SYPL1: variants seen among roughly 807,000 people sequenced by gnomAD.
SYPL1 encodes the protein synaptophysin-like protein 1.
In SYPL1, 6 loss-of-function variants were observed where a neutral mutation model predicts 23.7. The observed-to-expected ratio is 0.25, with a 90% CI of 0.14 to 0.50. The LOEUF is 0.50. Ranked by LOEUF, SYPL1 falls within the 20% of genes least tolerant of loss-of-function variation. The pLI, the probability that SYPL1 is intolerant of heterozygous loss-of-function variation, is 0.98. For missense variants in SYPL1, 253 were observed against 288.9 expected (o/e 0.88, Z 0.90); for synonymous variants, 102 against 104.5 (o/e 0.98, Z 0.15).
At chr7:106,094,478 C>A (rs1419917848) in intron 3 of SYPL1, among the ~76,000 whole-genome samples, 1 of 152,188 alleles carries the variant, frequency 6.6e-6, no homozygotes, top group Non-Finnish European at 1.5e-5. Context: ...TGTATCTGAG[C>A]TCTCTGCTGC....
Position 106,091,778 on chromosome 7 carries a change from C to G in SYPL1, c.*27G>C. ...CAACATGTCATAGTATCAACATATA[C>G]TTCATACAGTGTATTTCTCCCTTTA... On this transcript the variant is annotated 3_prime_UTR_variant, in exon 5 of 5. Coordinates refer to ENST00000455385, the MANE Select transcript of SYPL1 (RefSeq NM_182715.4). The surrounding 1 kb of genome is among the most constrained non-coding windows in gnomAD (Gnocchi z 5.0). 2 of 1,598,886 alleles carry G rather than the reference C, an allele frequency of 1.3e-6. No individual in the cohort carries two copies. Among genetic ancestry groups the G allele is most frequent in the Non-Finnish European group, 1.7e-6 (2 of 1,175,180 alleles).
rs1405609106 is a variant in SYPL1, at chr7:106,091,604, C to CAAATTTACATGTGAGAATA, written c.*182_*200dup. 8.0e-6 allele frequency: 4 copies of CAAATTTACATGTGAGAATA among 501,224 alleles called. No individual in the cohort carries two copies. Among genetic ancestry groups the CAAATTTACATGTGAGAATA allele is most frequent in the African/African-American group, 2.0e-5 (1 of 51,172 alleles). The allele number at this position is 501,224 out of a possible 1,614,324, so 31.0% of individuals were successfully genotyped here. Reference sequence around the variant, plus strand: ...ATTTCATAATAGACCCCTGAACTTTCAAATTTACATGTGAGAATACATTTA... The same window carrying CAAATTTACATGTGAGAATA: ...ATTTCATAATAGACCCCTGAACTTTCAAATTTACATGTGAGAATAAAATTTACATGTGAGAATACATTTA... On this transcript the variant is annotated 3_prime_UTR_variant, in exon 5 of 5. Coordinates refer to ENST00000455385, the MANE Select transcript of SYPL1 (RefSeq NM_182715.4). This position sits in a 1 kb window ranked among gnomAD's most constrained non-coding sequence, Gnocchi z 5.0.
Position 106,091,416 on chromosome 7 carries a change from A to G in SYPL1, c.*389T>C. ...GGTGGTAGGTATATGATCTGTACAA[A>G]CTTACAGTAGTGTATATTCCAAATA... is the stretch of plus-strand genomic sequence containing the variant. On this transcript the variant is annotated 3_prime_UTR_variant, in exon 5 of 5. Coordinates refer to ENST00000455385, the MANE Select transcript of SYPL1 (RefSeq NM_182715.4). This position sits in a 1 kb window ranked among gnomAD's most constrained non-coding sequence, Gnocchi z 5.0. 1 of 161,196 alleles carries G rather than the reference A, an allele frequency of 6.2e-6. No individual in the cohort carries two copies. The highest frequency in any genetic ancestry group is 1.8e-4 in the East Asian group (1 of 5,584). The allele number at this position is 161,196 out of a possible 1,614,324, so 10.0% of individuals were successfully genotyped here. A position where few individuals can be genotyped will look rare whatever the true frequency, so the allele number is the denominator to read the frequency against.
chr7:106,112,075 C>A (rs1029651798), intron 1 of SYPL1, 65 bp downstream of exon 1: 27 of 1,300,136 alleles, frequency 2.1e-5, no homozygotes, highest in African/African-American at 7.6e-5. Context: ...CGCAGGTCCC[C>A]GTCTCCCCGC....
At chr7:106,112,087 T>A in intron 1 of SYPL1, 53 bp downstream of exon 1, 1 of 1,351,010 alleles carries the variant, frequency 7.4e-7, no homozygotes, top group Non-Finnish European at 9.7e-7. Context: ...TCTCCCCGCC[T>A]AGGGCGCCGC....
rs565005903 is a variant in SYPL1 at position 106,105,031 on chromosome 7, C to A, written c.70-5749G>T. 4.6e-5 allele frequency among the ~76,000 whole-genome samples: 7 copies of A among 152,290 alleles called. 1 individual carries two copies. The South Asian group carries it at 1.4e-3, about 32-fold the overall frequency. ...AAAGCTGAAGAATGGCAACATCAGA[C>A]CTACATTCTCATAAAGCAACAATCA... On this transcript the variant is annotated intron_variant, in intron 1 of 4. Transcript: ENST00000455385.
Position 106,104,862 on chromosome 7 carries a change from GC to G in SYPL1, c.70-5581del, listed in dbSNP as rs1840511875. ...CTAGACTGGAAGTTATATACTGGCA[GC>G]CTGTTGGTAAAACCCGGCCTGCAAA... On this transcript the variant is annotated intron_variant, in intron 1 of 4. Transcript: ENST00000455385. The surrounding 1 kb of genome is among the most constrained non-coding windows in gnomAD (Gnocchi z 4.1). 6.6e-6 allele frequency among the ~76,000 whole-genome samples: 1 copy of G among 152,134 alleles called. No individual in the cohort carries two copies. Among genetic ancestry groups the G allele is most frequent in the African/African-American group, 2.4e-5 (1 of 41,418 alleles).
Position 106,097,319 on chromosome 7 carries a change from T to C in SYPL1, c.402+371A>G, listed in dbSNP as rs1840062866. 6.6e-6 allele frequency among the ~76,000 whole-genome samples: 1 copy of C among 152,132 alleles called. No homozygotes were observed. Among genetic ancestry groups the C allele is most frequent in the African/African-American group, 2.4e-5 (1 of 41,428 alleles). ...CAATAAGTTTTGTAGAAGTATAAAGTGGGCCTTTAGAGAAAGAAAAAAAGT... is the reference window on the plus strand; with the variant it reads ...CAATAAGTTTTGTAGAAGTATAAAGCGGGCCTTTAGAGAAAGAAAAAAAGT... On this transcript the variant is annotated intron_variant, in intron 3 of 4. Coordinates refer to ENST00000455385, the MANE Select transcript of SYPL1 (RefSeq NM_182715.4). The surrounding 1 kb of genome is among the most constrained non-coding windows in gnomAD (Gnocchi z 4.6).
intron 1 of SYPL1, among the ~76,000 whole-genome samples, chr7:106,101,862 A>G (rs1043981660): frequency 6.6e-6 from 1 of 152,068 alleles, no homozygotes; most frequent in Non-Finnish European, 1.5e-5. Context: ...ACTAGTGTGT[A>G]TAAGACAAAT....
chr7:106,105,001 A>T (rs1840521185), intron 1 of SYPL1, among the ~76,000 whole-genome samples: 1 of 152,196 alleles, frequency 6.6e-6, no homozygotes, highest in Non-Finnish European at 1.5e-5. Context: ...CTGAGTGTGT[A>T]TGGGAAAGCT....
At chr7:106,098,073 GTA>G (rs1840119658) in intron 2 of SYPL1, among the ~76,000 whole-genome samples, 176 bp from the exon 3 acceptor site, 1 of 152,136 alleles carries the variant, frequency 6.6e-6, no homozygotes, top group South Asian at 2.1e-4. Flanking sequence ...CATAATAAAT[GTA>G]TATGTTATAC....
At chr7:106,112,364 G>A, upstream of SYPL1, 1 of 1,285,294 alleles carries the variant, frequency 7.8e-7, no homozygotes, top group Non-Finnish European at 9.8e-7. Context: ...GGGCGGGGCG[G>A]AGCGGCGGCG....
chr7:106,111,193 C>T (rs1790126279), intron 1 of SYPL1, among the ~76,000 whole-genome samples: 1 of 152,172 alleles, frequency 6.6e-6, no homozygotes. Flanking sequence ...TAAAAACATC[C>T]TCGGTAGGTT....
In SYPL1 at chr7:106,112,271, C is replaced by T. The variant is rs1790206628; in HGVS notation, c.-63G>A. Reference sequence around the variant, plus strand: ...GGGCGGAGGAGGGGACCGACGAGACCAGAGCAGCCCGGTGGCGAGGAAGGG... The same window carrying T: ...GGGCGGAGGAGGGGACCGACGAGACTAGAGCAGCCCGGTGGCGAGGAAGGG... On this transcript the variant is annotated 5_prime_UTR_variant, in exon 1 of 5. Coordinates refer to ENST00000455385, the MANE Select transcript of SYPL1 (RefSeq NM_182715.4). The T allele has an allele frequency of 1.4e-6, 2 of 1,453,928 alleles. No individual in the cohort carries two copies. Among genetic ancestry groups the T allele is most frequent in the Non-Finnish European group, 1.8e-6 (2 of 1,087,632 alleles). 90.1% of individuals were successfully genotyped at this position (1,453,928 alleles called of 1,614,324 possible).
chr7:106,104,999 G>A lies in SYPL1; in HGVS notation c.70-5717C>T, dbSNP rs1001781831. 1.3e-5 allele frequency among the ~76,000 whole-genome samples: 2 copies of A among 152,160 alleles called. No homozygotes were observed. The highest frequency in any genetic ancestry group is 4.8e-5 in the African/African-American group (2 of 41,450). On this transcript the variant is annotated intron_variant, in intron 1 of 4. Transcript: ENST00000455385. The surrounding 1 kb of genome is among the most constrained non-coding windows in gnomAD (Gnocchi z 4.1). ...TGGATTTCCTGCTTTTCCTGAGTGTGTATGGGAAAGCTGAAGAATGGCAAC... is the reference window on the plus strand; with the variant it reads ...TGGATTTCCTGCTTTTCCTGAGTGTATATGGGAAAGCTGAAGAATGGCAAC...
rs1840265437 is a variant in SYPL1 at position 106,100,670 on chromosome 7, C to T, written c.70-1388G>A. Among the ~76,000 whole-genome samples, 1 of 152,190 alleles carries T rather than the reference C, an allele frequency of 6.6e-6. No individual in the cohort carries two copies. The highest frequency in any genetic ancestry group is 2.4e-5 in the African/African-American group (1 of 41,446). On this transcript the variant is annotated intron_variant, in intron 1 of 4. Transcript: ENST00000455385. The surrounding 1 kb of genome is among the most constrained non-coding windows in gnomAD (Gnocchi z 5.1). The stretch of plus-strand genomic sequence containing the variant: ...CACTTGTACTGCCTCCTGATCTGAA[C>T]TACCATCACCTTTTGCCTGAATTTT...
At chr7:106,112,446 G>A (rs749729141), upstream of SYPL1, 26 of 1,459,018 alleles carry the variant, frequency 1.8e-5, no homozygotes, top group Admixed American at 2.8e-5. Context: ...GCGGGCCGGG[G>A]CGGAGACCGG....
intron 1 of SYPL1, among the ~76,000 whole-genome samples, chr7:106,108,339 T>A (rs1436675142): frequency 6.6e-6 from 1 of 152,246 alleles, no homozygotes; most frequent in African/African-American, 2.4e-5. Flanking sequence ...TGTGGAAAAC[T>A]GACAGCATTT....
intron 3 of SYPL1, among the ~76,000 whole-genome samples, chr7:106,094,261 T>C (rs904119731): frequency 1.3e-5 from 2 of 151,966 alleles, no homozygotes; most frequent in African/African-American, 2.4e-5. Context: ...AAAGTTATTA[T>C]GGTTTTTGCT....
Sources: allele counts gnomAD v4.1 joint callset (sites outside exome capture counted in the v4.1 genomes callset), GRCh38; gene constraint gnomAD v4.1.1; non-coding constraint Gnocchi (gnomAD v3.1); transcripts MANE v1.5; gene names NCBI Gene and HGNC (gene_info 2026-07-23, HGNC 2026-07-21).